The following BYSL variants were observed in gnomAD, a reference collection of about 807,000 sequenced individuals.
The protein encoded by BYSL is bystin.
A neutral mutation model predicts 45.4 loss-of-function variants in BYSL; 21 were observed. That is an observed-to-expected ratio of 0.46 (90% CI 0.33 to 0.67). The LOEUF is 0.67. Ranked by LOEUF, BYSL falls within the 30% of genes least tolerant of loss-of-function variation. The pLI, the probability that BYSL is intolerant of heterozygous loss-of-function variation, is 0.02. For missense variants in BYSL, 522 were observed against 578.5 expected, an observed-to-expected ratio of 0.90 and a Z score of 1.00; for synonymous variants, 215 against 231.3, an observed-to-expected ratio of 0.93 and a Z score of 0.64.
intron 1 of BYSL, among the ~76,000 whole-genome samples, chr6:41,922,743 G>T (rs1775504621): frequency 6.6e-6 from 1 of 152,186 alleles, no homozygotes; most frequent in South Asian, 2.1e-4. Flanking sequence ...ATGAAATCCA[G>T]ATTCTTATAT....
At chr6:41,921,152 C>T, upstream of BYSL, 1 of 1,202,492 alleles carries the variant, frequency 8.3e-7, no homozygotes, top group Non-Finnish European at 1.2e-6. Flanking sequence ...AAAAACAGAG[C>T]GCCGGGTCCA....
upstream of BYSL, chr6:41,921,116 T>C: frequency 6.7e-7 from 1 of 1,482,240 alleles, no homozygotes; most frequent in Non-Finnish European, 9.3e-7. Flanking sequence ...CAACCTTCTG[T>C]CTCAGAAGGG....
Position 41,924,141 on chromosome 6 carries a change from A to G in BYSL, c.268+2311A>G, listed in dbSNP as rs9471690. 6.3e-3 allele frequency among the ~76,000 whole-genome samples: 942 copies of G among 149,624 alleles called. 7 individuals are homozygous for G. Among genetic ancestry groups the G allele is most frequent in the African/African-American group, 0.02 (821 of 40,534 alleles). Reference sequence around the variant, plus strand: ...AATACCACGATCTCGGCTCACTGCAACCTCCACCTCCCGGGTTCAAGCGAT... The same window carrying G: ...AATACCACGATCTCGGCTCACTGCAGCCTCCACCTCCCGGGTTCAAGCGAT... On this transcript the variant is annotated intron_variant, in intron 1 of 6. Coordinates refer to ENST00000230340, the MANE Select transcript of BYSL (RefSeq NM_004053.4).
the BYSL span, among the ~76,000 whole-genome samples, chr6:41,910,136 T>C: frequency 1.3e-5 from 2 of 151,968 alleles, no homozygotes; most frequent in Non-Finnish European, 2.9e-5. Context: ...TGGCAAACCG[T>C]TGGAGAATTT....
chr6:41,916,655 G>A (rs879906881), upstream of BYSL: 29 of 1,136,300 alleles, frequency 2.6e-5, no homozygotes, highest in Middle Eastern at 2.1e-4. Flanking sequence ...AATTAATGAC[G>A]TCAAAAACAC....
chr6:41,910,827 G>T, the BYSL span, among the ~76,000 whole-genome samples: 1 of 151,654 alleles, frequency 6.6e-6, no homozygotes, highest in East Asian at 2.0e-4. Context: ...CTGACAATCA[G>T]GCTGGGCACA....
rs1311681412 is a variant in BYSL, at chr6:41,930,174, GCAGA to G, written c.479_482del (p.Thr160ArgfsTer22). 1.9e-6 allele frequency: 3 copies of G among 1,614,026 alleles called. No individual in the cohort carries two copies. The highest frequency in any genetic ancestry group is 1.7e-5 in the Admixed American group (1 of 59,994). On this transcript the variant is annotated frameshift_variant, in exon 3 of 7. Coordinates refer to ENST00000230340, the MANE Select transcript of BYSL (RefSeq NM_004053.4). LOFTEE classifies it high-confidence loss of function. ...TCATCATGGAGAAGCTGACTGAGAA[GCAGA>G]CAGAGGTTGAGACAGTCATGTCAGA...
chr6:41,910,738 A>C, the BYSL span, among the ~76,000 whole-genome samples: 1 of 151,944 alleles, frequency 6.6e-6, no homozygotes, highest in African/African-American at 2.4e-5. Context: ...TGCTTATTAC[A>C]TATATAAGCC....
At chr6:41,920,283 G>A (rs1775426225), upstream of BYSL, among the ~76,000 whole-genome samples, 1 of 152,012 alleles carries the variant, frequency 6.6e-6, no homozygotes, top group South Asian at 2.1e-4. Flanking sequence ...TTTTCCTCTA[G>A]ACCCAAGATC....
Position 41,932,940 on chromosome 6 carries a change from C to G in BYSL, c.*234C>G. 9.4e-6 allele frequency: 5 copies of G among 530,254 alleles called. No individual in the cohort carries two copies. Among genetic ancestry groups the G allele is most frequent in the Non-Finnish European group, 1.7e-5 (5 of 298,722 alleles). The allele number at this position is 530,254 out of a possible 1,614,324, so 32.8% of individuals were successfully genotyped here. On this transcript the variant is annotated 3_prime_UTR_variant, in exon 7 of 7. Transcript: ENST00000230340. The surrounding 1 kb of genome is among the most constrained non-coding windows in gnomAD (Gnocchi z 4.7). ...AGTTCTGAGAGCCAACTTGAGATAC[C>G]ATATGCTAGCATTCCCAGTCCCCAG...
chr6:41,919,203 C>T (rs1168487635), upstream of BYSL, among the ~76,000 whole-genome samples: 1 of 150,540 alleles, frequency 6.6e-6, no homozygotes. Flanking sequence ...CACTAGGTCA[C>T]ACAGTTAATG....
chr6:41,928,412 C>T (rs978045548), intron 2 of BYSL, among the ~76,000 whole-genome samples: 3 of 152,120 alleles, frequency 2.0e-5, no homozygotes, highest in African/African-American at 4.8e-5. Flanking sequence ...TGAAAATGAG[C>T]CCCTCTCCCA....
upstream of BYSL, chr6:41,916,757 A>T: frequency 6.2e-7 from 1 of 1,611,376 alleles, no homozygotes. Context: ...GCCTGGTTCC[A>T]GCCATCCTAC....
chr6:41,921,911 G>T (rs932462280), intron 1 of BYSL, 81 bp downstream of exon 1: 2 of 1,484,142 alleles, frequency 1.3e-6, no homozygotes, highest in Admixed American at 2.3e-5. Context: ...TCTGGCAGGG[G>T]AATTGCTTCG....
chr6:41,909,514 C>T, the BYSL span: 3 of 1,614,056 alleles, frequency 1.9e-6, no homozygotes, highest in Non-Finnish European at 2.5e-6. Context: ...ATCAGCTTCC[C>T]GGTCTGACCT....
chr6:41,930,832 G>A, intron 4 of BYSL, 64 bp downstream of exon 4: 1 of 1,545,752 alleles, frequency 6.5e-7, no homozygotes, highest in Non-Finnish European at 8.7e-7. Flanking sequence ...GGGACGGACA[G>A]GCTTTCCTTG....
rs563253509 is a variant in BYSL at position 41,921,749 on chromosome 6, C to T, written c.187C>T (p.Arg63Trp). ...RLSRRILQQA[R>W]QQQEELEAEH... The stretch of plus-strand genomic sequence containing the variant: ...GAGCCGACGGATTTTGCAGCAAGCA[C>T]GGCAGCAACAGGAGGAACTCGAGGC... Residue 63 changes from arginine to tryptophan, a missense_variant, in exon 1 of 7, where the codon CGG (arginine) becomes TGG (tryptophan). Transcript: ENST00000230340. The T allele has an allele frequency of 8.1e-6, 13 of 1,613,476 alleles. No individual in the cohort carries two copies. The East Asian group carries it at 2.7e-4, about 33-fold the overall frequency.
chr6:41,931,417 G>A lies in BYSL; in HGVS notation c.726G>A (p.Lys242=). ...QATRIFASNL[K]ERMAQRFYNL... is the part of the protein sequence containing the mutation. ...CTAGGATTTTTGCCTCTAACCTGAA[G>A]GAACGCATGGCCCAGCGCTTCTACA... Residue 242 remains lysine, a synonymous_variant, in exon 5 of 7, where the codon AAG becomes AAA. Transcript: ENST00000230340. The A allele has an allele frequency of 6.2e-7, 1 of 1,614,184 alleles. No individual in the cohort carries two copies. Among genetic ancestry groups the A allele is most frequent in the African/African-American group, 1.3e-5 (1 of 75,038 alleles).
In BYSL at chr6:41,932,489, G is replaced by C. The variant is rs1451631604; in HGVS notation, c.1097G>C (p.Gly366Ala). The C allele has an allele frequency of 6.2e-7, 1 of 1,614,188 alleles. No homozygotes were observed. The highest frequency in any genetic ancestry group is 1.7e-5 in the Admixed American group (1 of 60,030). Reference protein sequence around the residue: ...VLDALVFHFLGFRTEKRELPV... With the variant: ...VLDALVFHFLAFRTEKRELPV... ...GATGCCCTAGTCTTCCACTTCCTGG[G>C]GTTCCGGACAGAGAAGCGTGAACTG... Residue 366 changes from glycine (G) to alanine (A), a missense_variant, in exon 7 of 7, where the codon GGG becomes GCG. Coordinates refer to ENST00000230340, the MANE Select transcript of BYSL (RefSeq NM_004053.4). This position sits in a 1 kb window ranked among gnomAD's most constrained non-coding sequence, Gnocchi z 4.7.
Sources: allele counts gnomAD v4.1 joint callset (sites outside exome capture counted in the v4.1 genomes callset), GRCh38; gene constraint gnomAD v4.1.1; non-coding constraint Gnocchi (gnomAD v3.1); transcripts MANE v1.5; gene names NCBI Gene and HGNC (gene_info 2026-07-23, HGNC 2026-07-21).